CFLAR: variants seen among roughly 807,000 people sequenced by gnomAD.
The protein encoded by CFLAR is CASP8 and FADD-like apoptosis regulator.
A neutral mutation model predicts 51.1 loss-of-function variants in CFLAR; 14 were observed. The observed-to-expected ratio is 0.27, with a 90% CI of 0.18 to 0.43. The LOEUF is 0.43. Ranked by LOEUF, CFLAR falls within the 20% of genes least tolerant of loss-of-function variation. The pLI is 1.00. For synonymous variants in CFLAR, 210 were observed against 211.6 expected (o/e 0.99, Z 0.06); for missense variants, 390 against 566.5 (o/e 0.69, Z 3.16).
chr2:201,155,766 C>T (rs1442960044), intron 8 of CFLAR, among the ~76,000 whole-genome samples: 3 of 152,008 alleles, frequency 2.0e-5, no homozygotes, highest in African/African-American at 7.2e-5. Flanking sequence ...TGGAACTACA[C>T]ACAGGCGCCA....
chr2:201,163,568 C>T, intron 9 of CFLAR: 1 of 1,234,686 alleles, frequency 8.1e-7, no homozygotes, highest in African/African-American at 1.5e-5. Context: ...TTGAGCCCAT[C>T]CCCATTTGCA....
At chr2:201,140,067 C>A (rs1401361827) in intron 4 of CFLAR, 2 of 179,196 alleles carry the variant, frequency 1.1e-5, no homozygotes, top group East Asian at 2.8e-4. Context: ...AACGCTGCAG[C>A]TGCTGCGACG....
At chr2:201,154,840 A>G (rs1034444821) in intron 8 of CFLAR, among the ~76,000 whole-genome samples, 1 of 152,290 alleles carries the variant, frequency 6.6e-6, no homozygotes, top group South Asian at 2.1e-4. Flanking sequence ...GCAAAGCACC[A>G]TGCTTGGCCC....
chr2:201,164,266 A>C lies in CFLAR; in HGVS notation c.*293A>C. On this transcript the variant is annotated 3_prime_UTR_variant, in exon 10 of 10. Coordinates refer to ENST00000309955, the MANE Select transcript of CFLAR (RefSeq NM_003879.7). ...ATACCAACCTGGGCAATATAGCAAG[A>C]TCCCATCTCTTTAAAAAAAAAAAAA... 1.1e-5 allele frequency: 2 copies of C among 188,818 alleles called. No homozygotes were observed. Among genetic ancestry groups the C allele is most frequent in the Non-Finnish European group, 1.1e-5 (1 of 94,610 alleles). 11.7% of individuals were successfully genotyped at this position (188,818 alleles called of 1,614,324 possible). A position where few individuals can be genotyped will look rare whatever the true frequency, so the allele number is the denominator to read the frequency against.
intron 2 of CFLAR, 41 bp downstream of exon 2, chr2:201,130,187 G>GGGGGTGGGGGGGGGGGA: frequency 3.4e-6 from 1 of 292,394 alleles, no homozygotes; most frequent in Non-Finnish European, 7.1e-6. Context: ...GGGTGGGAGG[G>GGGGGTGGGGGGGGGGGA]AGTGAAGTGT....
chr2:201,133,205 A>C, intron 3 of CFLAR, 71 bp downstream of exon 3: 2 of 1,153,856 alleles, frequency 1.7e-6, no homozygotes, highest in Admixed American at 1.8e-5. Flanking sequence ...GTTGATACAG[A>C]GAGAGGGAAG....
At chr2:201,127,293 A>G (rs1431801513) in intron 1 of CFLAR, among the ~76,000 whole-genome samples, 1 of 152,192 alleles carries the variant, frequency 6.6e-6, no homozygotes, top group Non-Finnish European at 1.5e-5. Flanking sequence ...CGAATGGGAC[A>G]CTGAGTCCAG....
chr2:201,141,291 A>G (rs1341582147), intron 5 of CFLAR: 4 of 1,472,676 alleles, frequency 2.7e-6, no homozygotes, highest in Non-Finnish European at 3.6e-6. Context: ...TCCTAAAGGC[A>G]GCTGTTGTGA....
rs1349641198 is a variant in CFLAR, at chr2:201,124,890, T to C, written c.-137-4839T>C. 6.6e-6 allele frequency among the ~76,000 whole-genome samples: 1 copy of C among 152,074 alleles called. No individual in the cohort carries two copies. Among genetic ancestry groups the C allele is most frequent in the East Asian group, 1.9e-4 (1 of 5,198 alleles). On this transcript the variant is annotated intron_variant, in intron 1 of 9. Coordinates refer to ENST00000309955, the MANE Select transcript of CFLAR (RefSeq NM_003879.7). This position sits in a 1 kb window ranked among gnomAD's most constrained non-coding sequence, Gnocchi z 4.7. ...GTTTCAAGGAGGGATGAATTAGCAG[T>C]GTCAGCTGGAGTTGAGCAGTCAGAT...
Position 201,171,679 on chromosome 2 carries a change from CAAAAAAA to C in CFLAR, c.*7715_*7721del, listed in dbSNP as rs34255837. On this transcript the variant is annotated 3_prime_UTR_variant, in exon 10 of 10. Transcript: ENST00000309955. ...ATATTTTAAAAATCTTTAGAGAATA[CAAAAAAA>C]AAAAAAAAGATTCTTCAATGCATAC... is the stretch of plus-strand genomic sequence containing the variant. The C allele has an allele frequency of 1.4e-5, 2 of 138,716 alleles. No homozygotes were observed. The highest frequency in any genetic ancestry group is 3.2e-5 in the Non-Finnish European group (2 of 62,782). The allele number at this position is 138,716 out of a possible 1,614,324, so 8.6% of individuals were successfully genotyped here.
intron 2 of CFLAR, 152 bp downstream of exon 2, chr2:201,130,298 C>A: frequency 1.9e-6 from 1 of 517,780 alleles, no homozygotes; most frequent in Non-Finnish European, 3.2e-6. Flanking sequence ...CACTTCATTC[C>A]TGTGAGCCCT....
At position 201,116,803 on chromosome 2, in the gene CFLAR, C is replaced by T. The variant is rs2047643111; in HGVS notation, c.-138+322C>T. On this transcript the variant is annotated intron_variant, in intron 1 of 9. Coordinates refer to ENST00000309955, the MANE Select transcript of CFLAR (RefSeq NM_003879.7). The surrounding 1 kb of genome is among the most constrained non-coding windows in gnomAD (Gnocchi z 4.8). Reference sequence around the variant, plus strand: ...CCCCGAACCCCTTCTACCCGCAACTCCGCCCCGGATTCCCAGAAAGGGGCG... The same window carrying T: ...CCCCGAACCCCTTCTACCCGCAACTTCGCCCCGGATTCCCAGAAAGGGGCG... The T allele has an allele frequency of 6.6e-6, 1 of 152,332 alleles. No individual in the cohort carries two copies. The allele number at this position is 152,332 out of a possible 1,614,324, so 9.4% of individuals were successfully genotyped here.
At chr2:201,141,167 G>A (rs1938730890) in intron 5 of CFLAR, among the ~76,000 whole-genome samples, 1 of 152,132 alleles carries the variant, frequency 6.6e-6, no homozygotes, top group African/African-American at 2.4e-5. Flanking sequence ...AGGAAGTGGA[G>A]GTTGCAGTAG....
chr2:201,154,979 GA>G (rs1311755642), intron 8 of CFLAR, among the ~76,000 whole-genome samples: 8 of 152,198 alleles, frequency 5.3e-5, no homozygotes, highest in Non-Finnish European at 1.2e-4. Context: ...ACCTCTTCTT[GA>G]GGCAGAAGTA....
intron 1 of CFLAR, among the ~76,000 whole-genome samples, chr2:201,125,304 C>T (rs1294478177): frequency 1.3e-5 from 2 of 151,994 alleles, no homozygotes; most frequent in Admixed American, 6.6e-5. Context: ...AACTGAAGCA[C>T]TGAGTACAGA....
At chr2:201,136,462 A>G (rs2050139986) in intron 4 of CFLAR, 10 of 1,596,802 alleles carry the variant, frequency 6.3e-6, no homozygotes, top group Non-Finnish European at 8.5e-6. Flanking sequence ...TGGCCTCACA[A>G]CCACTGTCCA....
chr2:201,162,710 G>C (rs1024063581), intron 9 of CFLAR: 1 of 275,808 alleles, frequency 3.6e-6, no homozygotes, highest in African/African-American at 2.2e-5. Flanking sequence ...AGAGGACAAG[G>C]ACAGGCACCC....
intron 7 of CFLAR, 51 bp from the exon 8 acceptor site, chr2:201,149,703 A>G (rs367715064): frequency 4.0e-5 from 57 of 1,429,664 alleles, no homozygotes; most frequent in Non-Finnish European, 5.2e-5. Context: ...GGGACCTTAT[A>G]GAAACAGAGC....
intron 5 of CFLAR, chr2:201,141,748 T>G: frequency 1.5e-6 from 1 of 681,652 alleles, no homozygotes; most frequent in Non-Finnish European, 1.9e-6. Context: ...TAGTACTTAG[T>G]ACAAGGTATC....
Sources: gnomAD v4.1 joint callset for allele counts (sites outside exome capture counted in the v4.1 genomes callset) on GRCh38, gnomAD v4.1.1 for gene constraint, Gnocchi (gnomAD v3.1) non-coding constraint, MANE v1.5 for transcripts, NCBI Gene and HGNC (gene_info 2026-07-23, HGNC 2026-07-21) for gene names.